FAT3: variants seen among roughly 807,000 people sequenced by gnomAD.
FAT3 encodes the protein FAT atypical cadherin 3.
FAT3 carries 95 observed loss-of-function variants against 310.2 expected under a neutral mutation model. The ratio of observed to expected loss-of-function variants is 0.31; its 90% CI spans 0.26 to 0.36. The LOEUF is 0.36. Ranked by LOEUF, FAT3 falls within the 10% of genes least tolerant of loss-of-function variation. FAT3 has a pLI of 1.00. For missense variants in FAT3, 5,408 were observed against 5,715.6 expected, an observed-to-expected ratio of 0.95 and a Z score of 1.74; for synonymous variants, 2,314 against 2,192.9, an observed-to-expected ratio of 1.06 and a Z score of -1.54.
At chr11:92,696,873 G>A (rs1189182538) in intron 3 of FAT3, among the ~76,000 whole-genome samples, 1 of 152,102 alleles carries the variant, frequency 6.6e-6, no homozygotes, top group Non-Finnish European at 1.5e-5. Context: ...TCTTTTGTGT[G>A]TAAGTTATTA....
intron 2 of FAT3, among the ~76,000 whole-genome samples, chr11:92,355,702 G>A (rs1029126468): frequency 1.3e-5 from 2 of 152,138 alleles, no homozygotes; most frequent in African/African-American, 4.8e-5. Flanking sequence ...TGTCACTTCT[G>A]TTGATTGTAC....
chr11:92,651,698 C>G (rs1268762163), intron 3 of FAT3, among the ~76,000 whole-genome samples: 8 of 152,062 alleles, frequency 5.3e-5, no homozygotes, highest in Admixed American at 3.9e-4. Flanking sequence ...ATGGTCAGTC[C>G]CCTGCACACT....
chr11:92,722,923 A>G (rs1217024438), intron 4 of FAT3, among the ~76,000 whole-genome samples: 3 of 152,034 alleles, frequency 2.0e-5, no homozygotes, highest in Non-Finnish European at 2.9e-5. Flanking sequence ...GCCTACGAAA[A>G]CATCTTTTCC....
intron 22 of FAT3, among the ~76,000 whole-genome samples, chr11:92,875,547 C>T (rs1471506551): frequency 1.3e-5 from 2 of 151,758 alleles, no homozygotes; most frequent in African/African-American, 4.8e-5. Flanking sequence ...AGTCCCTATT[C>T]CAGGGGTGTG....
intron 4 of FAT3, among the ~76,000 whole-genome samples, chr11:92,755,352 A>G (rs1261718040): frequency 7.2e-5 from 11 of 152,060 alleles, no homozygotes; most frequent in Admixed American, 7.2e-4. Context: ...CCTCCCGAGT[A>G]TCTGGGATTA....
intron 13 of FAT3, among the ~76,000 whole-genome samples, chr11:92,824,452 G>C (rs1234377713): frequency 6.6e-6 from 1 of 152,084 alleles, no homozygotes; most frequent in Admixed American, 6.6e-5. Flanking sequence ...TCTAAGTAAA[G>C]CCAGTGTCTT....
intron 3 of FAT3, among the ~76,000 whole-genome samples, chr11:92,543,663 G>C (rs1954523545): frequency 6.6e-6 from 1 of 152,160 alleles, no homozygotes; most frequent in African/African-American, 2.4e-5. Flanking sequence ...ATAGTGCACT[G>C]TATGCCTTAT....
intron 3 of FAT3, among the ~76,000 whole-genome samples, chr11:92,530,378 A>C (rs923538897): frequency 3.3e-5 from 5 of 152,176 alleles, no homozygotes; most frequent in Non-Finnish European, 7.3e-5. Flanking sequence ...CAAGGTGCCC[A>C]GAGACACCTG....
Position 92,883,348 on chromosome 11 carries a change from G to A in FAT3, c.12892G>A (p.Asp4298Asn), listed in dbSNP as rs759230100. The change falls in exon 24 of 28, where the codon GAC becomes AAC. Residue 4298 changes from aspartate to asparagine, a missense_variant. Asp to Asn is a conservative substitution (Grantham distance 23, BLOSUM62 1). This residue lies in a region of FAT3 where 649 missense variants were observed against 666.2 expected (regional missense o/e 0.97). Transcript: ENST00000525166. The surrounding 1 kb of genome is among the most constrained non-coding windows in gnomAD (Gnocchi z 4.2). ...CCCCGCCGTGTCACCCTGCCGCTCC[G>A]ACTGCGACTCCATCCGGAAGAATGG... ...NLPAVSPCRS[D>N]CDSIRKNGWD... 2.5e-6 allele frequency: 4 copies of A among 1,608,996 alleles called. No homozygotes were observed. Among genetic ancestry groups the A allele is most frequent in the East Asian group, 4.5e-5 (2 of 44,780 alleles).
At chr11:92,881,361 C>T (rs1468453759) in intron 23 of FAT3, among the ~76,000 whole-genome samples, 2 of 152,180 alleles carry the variant, frequency 1.3e-5, no homozygotes. Flanking sequence ...GGAAAGAGAC[C>T]GTTTTAAATT....
rs1372544665 is a variant in FAT3 at position 92,859,393 on chromosome 11, CG to C, written c.11658+73del. 8 of 1,368,276 alleles carry C rather than the reference CG, an allele frequency of 5.8e-6. No homozygotes were observed. In the African/African-American group the frequency reaches 1.2e-4, roughly 20 times the overall value. 84.8% of individuals were successfully genotyped at this position (1,368,276 alleles called of 1,614,324 possible). ...GTGTTTTGGCTCTTGGATTGGGGAA[CG>C]GCTGAAATCATTTTGTCTTTTAAGT... is the stretch of plus-strand genomic sequence containing the variant. On this transcript the variant is annotated intron_variant, in intron 21 of 27. Transcript: ENST00000525166.
chr11:92,615,376 A>T (rs1024095207), intron 3 of FAT3, among the ~76,000 whole-genome samples: 4 of 152,036 alleles, frequency 2.6e-5, no homozygotes, highest in African/African-American at 9.7e-5. Context: ...CCTCCCAAGT[A>T]GCTGGGGTTA....
At chr11:92,594,913 G>A (rs1489324934) in intron 3 of FAT3, among the ~76,000 whole-genome samples, 2 of 151,880 alleles carry the variant, frequency 1.3e-5, no homozygotes, top group Non-Finnish European at 2.9e-5. Context: ...GTATAGTATG[G>A]TTAGCTTAAA....
At chr11:92,261,225 T>C (rs1000824049) in intron 1 of FAT3, among the ~76,000 whole-genome samples, 1 of 152,048 alleles carries the variant, frequency 6.6e-6, no homozygotes, top group Non-Finnish European at 1.5e-5. Flanking sequence ...GAGGAATTCA[T>C]CCAAACAAGA....
chr11:92,772,667 G>A (rs898328829), intron 6 of FAT3, among the ~76,000 whole-genome samples: 25 of 151,958 alleles, frequency 1.6e-4, no homozygotes, highest in African/African-American at 6.0e-4. Flanking sequence ...TGATACTCTC[G>A]TATCTCCGTA....
At chr11:92,745,242 A>G (rs1357387240) in intron 4 of FAT3, among the ~76,000 whole-genome samples, 1 of 152,228 alleles carries the variant, frequency 6.6e-6, no homozygotes. Context: ...GGAATGTGGA[A>G]TAGTATATCG....
In FAT3 at chr11:92,285,389, A is replaced by G. The variant is rs149166396; in HGVS notation, c.-18+60215A>G. Among the ~76,000 whole-genome samples the G allele has an allele frequency of 1.8e-3, 270 of 152,294 alleles. 2 individuals carry two copies. The highest frequency in any genetic ancestry group is 6.0e-3 in the African/African-American group (249 of 41,572). Reference sequence around the variant, plus strand: ...ATTGTTATTATTTTGCTAAATGGTTAGTCGTTCTATTGTGGAAAAAAGCGA... The same window carrying G: ...ATTGTTATTATTTTGCTAAATGGTTGGTCGTTCTATTGTGGAAAAAAGCGA... On this transcript the variant is annotated intron_variant, in intron 1 of 27. Transcript: ENST00000525166.
intron 1 of FAT3, among the ~76,000 whole-genome samples, chr11:92,338,003 C>T (rs1948138464): frequency 6.6e-6 from 1 of 151,970 alleles, no homozygotes; most frequent in Non-Finnish European, 1.5e-5. Context: ...GCATGTTAAA[C>T]ACAACAATAG....
intron 4 of FAT3, among the ~76,000 whole-genome samples, chr11:92,740,115 A>G (rs553203670): frequency 5.3e-5 from 8 of 152,204 alleles, no homozygotes; most frequent in Non-Finnish European, 1.0e-4. Context: ...TGATCATGAT[A>G]ATAACACTCT....
Sources: allele counts gnomAD v4.1 joint callset (sites outside exome capture counted in the v4.1 genomes callset), GRCh38; gene constraint gnomAD v4.1.1; regional missense constraint gnomAD v4.1.1; non-coding constraint Gnocchi (gnomAD v3.1); transcripts MANE v1.5; gene names NCBI Gene and HGNC (gene_info 2026-07-23, HGNC 2026-07-21).